Variants in KIAA1328 observed in about 807,000 individuals in gnomAD.
The protein encoded by KIAA1328 is KIAA1328.
KIAA1328 carries 52 observed loss-of-function variants against 68.1 expected under a neutral mutation model. That is an observed-to-expected ratio of 0.76 (90% CI 0.61 to 0.96). The LOEUF is 0.96. KIAA1328 is among the 40% of genes least tolerant of loss of function. The pLI is 0.00. For synonymous variants in KIAA1328, 232 were observed against 239.4 expected (o/e 0.97, Z 0.28); for missense variants, 641 against 677.6 (o/e 0.95, Z 0.60).
intron 4 of KIAA1328, among the ~76,000 whole-genome samples, chr18:36,857,287 C>T (rs2047416297): frequency 6.6e-6 from 1 of 152,122 alleles, no homozygotes; most frequent in Non-Finnish European, 1.5e-5. Context: ...ACTTTTTAGT[C>T]CATCTACTTG....
At position 37,224,165 on chromosome 18, in the gene KIAA1328, C is replaced by CTAG; in HGVS notation, c.*1939_*1940insAGT. ...TCATGACTAGCTTAAGTGTACTTGACTCCCATAGACTACTCCCATGCCCAC... is the reference window on the plus strand; with the variant it reads ...TCATGACTAGCTTAAGTGTACTTGACTAGTCCCATAGACTACTCCCATGCCCAC... On this transcript the variant is annotated 3_prime_UTR_variant, in exon 10 of 10. Transcript: ENST00000280020. 1.0e-6 allele frequency: 1 copy of CTAG among 985,422 alleles called. No individual in the cohort carries two copies. Among genetic ancestry groups the CTAG allele is most frequent in the Non-Finnish European group, 1.2e-6 (1 of 829,930 alleles). The allele number at this position is 985,422 out of a possible 1,614,324, so 61.0% of individuals were successfully genotyped here.
intron 4 of KIAA1328, among the ~76,000 whole-genome samples, chr18:36,873,441 C>A (rs1409809287): frequency 1.3e-5 from 2 of 152,062 alleles, no homozygotes; most frequent in Non-Finnish European, 2.9e-5. Flanking sequence ...TCAGAATGAG[C>A]AAGAGTAAAC....
chr18:37,097,002 A>C (rs1056906779), intron 7 of KIAA1328, among the ~76,000 whole-genome samples: 16 of 152,050 alleles, frequency 1.1e-4, no homozygotes, highest in Admixed American at 1.0e-3. Context: ...AGATTGCAAA[A>C]ATTTTCTCCC....
At chr18:36,897,886 C>T (rs980112640) in intron 5 of KIAA1328, among the ~76,000 whole-genome samples, 1 of 151,938 alleles carries the variant, frequency 6.6e-6, no homozygotes, top group Non-Finnish European at 1.5e-5. Context: ...AGCTTTTTCC[C>T]CCACTTATTA....
chr18:36,979,699 G>A (rs1418677950), intron 6 of KIAA1328, among the ~76,000 whole-genome samples: 1 of 152,136 alleles, frequency 6.6e-6, no homozygotes, highest in Non-Finnish European at 1.5e-5. Context: ...ACCAGAAATG[G>A]GAGATCATAG....
intron 5 of KIAA1328, among the ~76,000 whole-genome samples, chr18:36,887,112 CTTTTTTT>C (rs553425006): frequency 2.2e-5 from 3 of 134,682 alleles, no homozygotes; most frequent in Non-Finnish European, 3.2e-5. Flanking sequence ...CCAACTTTCT[CTTTTTTT>C]TTTTTTTTTG....
rs1187824200 is a variant in KIAA1328, at chr18:37,044,912, T to C, written c.577-21978T>C. On this transcript the variant is annotated intron_variant, in intron 6 of 9. Transcript: ENST00000280020. ...TAAAAATAAATACGATAAATATATA[T>C]ACAATCAGTATGGCAGTCCACCTTG... is the stretch of plus-strand genomic sequence containing the variant. Among the ~76,000 whole-genome samples the C allele has an allele frequency of 2.0e-5, 3 of 152,022 alleles. No individual in the cohort carries two copies. In the East Asian group the frequency reaches 5.8e-4, roughly 29 times the overall value.
At chr18:37,128,630 C>T (rs1342205779) in intron 7 of KIAA1328, among the ~76,000 whole-genome samples, 1 of 152,106 alleles carries the variant, frequency 6.6e-6, no homozygotes, top group South Asian at 2.1e-4. Flanking sequence ...TCACCTACTA[C>T]CCAACAATCT....
At chr18:37,038,621 A>C (rs1336216087) in intron 6 of KIAA1328, among the ~76,000 whole-genome samples, 5 of 152,090 alleles carry the variant, frequency 3.3e-5, no homozygotes, top group Non-Finnish European at 5.9e-5. Flanking sequence ...TAGATTTCTT[A>C]GGATTTTCTA....
At chr18:37,072,142 C>T (rs1371465788) in intron 7 of KIAA1328, among the ~76,000 whole-genome samples, 1 of 151,768 alleles carries the variant, frequency 6.6e-6, no homozygotes, top group African/African-American at 2.4e-5. Flanking sequence ...TCCAAGATTT[C>T]CTCTTTTATC....
At chr18:37,193,763 T>G (rs2059951684) in intron 9 of KIAA1328, 1 of 606,082 alleles carries the variant, frequency 1.6e-6, no homozygotes, top group African/African-American at 1.9e-5. Flanking sequence ...TTTGAAAATT[T>G]TTGCCTTATT....
chr18:36,847,704 C>G (rs1215922079), intron 4 of KIAA1328, among the ~76,000 whole-genome samples: 2 of 148,344 alleles, frequency 1.3e-5, no homozygotes, highest in South Asian at 4.4e-4. Context: ...TTATAATTAA[C>G]TTAATGCTTT....
chr18:36,975,244 G>A (rs958330093), intron 6 of KIAA1328, among the ~76,000 whole-genome samples: 4 of 149,440 alleles, frequency 2.7e-5, no homozygotes, highest in South Asian at 2.1e-4. Flanking sequence ...GTGCAGTGGC[G>A]GGATCTCGGC....
intron 6 of KIAA1328, among the ~76,000 whole-genome samples, chr18:36,997,513 G>C (rs1399893700): frequency 6.6e-6 from 1 of 152,178 alleles, no homozygotes; most frequent in Non-Finnish European, 1.5e-5. Context: ...ACTAACACAG[G>C]GAGCTGCCAG....
Position 37,104,555 on chromosome 18 carries a change from A to C in KIAA1328, c.1232+37010A>C, listed in dbSNP as rs188620360. Among the ~76,000 whole-genome samples the C allele has an allele frequency of 2.1e-3, 315 of 152,308 alleles. 4 individuals carry two copies. Among genetic ancestry groups the C allele is most frequent in the Non-Finnish European group, 5.0e-4 (34 of 68,028 alleles). On this transcript the variant is annotated intron_variant, in intron 7 of 9. Coordinates refer to ENST00000280020, the MANE Select transcript of KIAA1328 (RefSeq NM_020776.3). The stretch of plus-strand genomic sequence containing the variant: ...GATTGATGAATGGGTACAAACACAC[A>C]GATGGAAGGAATAAGTTCTAGCATT...
chr18:37,180,572 T>C (rs2059680076), intron 9 of KIAA1328, among the ~76,000 whole-genome samples: 1 of 152,096 alleles, frequency 6.6e-6, no homozygotes, highest in Non-Finnish European at 1.5e-5. Flanking sequence ...AGTTCAATTA[T>C]GCATAGCAGT....
At position 37,224,028 on chromosome 18, in the gene KIAA1328, T is replaced by G; in HGVS notation, c.*1801T>G. ...ATCCCATATCAAAAAGCCTTTGGAG[T>G]GTGGAGCTTTCTGTGGTATGGCAGA... On this transcript the variant is annotated 3_prime_UTR_variant, in exon 10 of 10. Coordinates refer to ENST00000280020, the MANE Select transcript of KIAA1328 (RefSeq NM_020776.3). 1.0e-6 allele frequency: 1 copy of G among 985,198 alleles called. No homozygotes were observed. Among genetic ancestry groups the G allele is most frequent in the African/African-American group, 1.7e-5 (1 of 57,270 alleles). 61.0% of individuals were successfully genotyped at this position (985,198 alleles called of 1,614,324 possible).
chr18:36,839,086 T>C (rs1407271322), intron 3 of KIAA1328, among the ~76,000 whole-genome samples: 2 of 152,154 alleles, frequency 1.3e-5, no homozygotes, highest in Non-Finnish European at 2.9e-5. Context: ...GTTGAGCTTT[T>C]TGGGACTGTG....
chr18:36,943,334 A>T (rs1168927706), intron 5 of KIAA1328, among the ~76,000 whole-genome samples: 1 of 152,164 alleles, frequency 6.6e-6, no homozygotes, highest in East Asian at 1.9e-4. Context: ...TGATGTGTTG[A>T]CTTGCTCAGC....
Sources: gnomAD v4.1 joint callset for allele counts (sites outside exome capture counted in the v4.1 genomes callset) on GRCh38, gnomAD v4.1.1 for gene constraint, MANE v1.5 for transcripts, NCBI Gene and HGNC (gene_info 2026-07-23, HGNC 2026-07-21) for gene names.